GRIK4: variants seen among roughly 807,000 people sequenced by gnomAD.
GRIK4 encodes the protein glutamate receptor ionotropic, kainate 4.
GRIK4 carries 40 observed loss-of-function variants against 104.9 expected under a neutral mutation model. The observed-to-expected ratio is 0.38, with a 90% CI of 0.30 to 0.50. The LOEUF is 0.50. Ranked by LOEUF, GRIK4 falls within the 20% of genes least tolerant of loss-of-function variation. The probability of loss-of-function intolerance (pLI) is 0.93; values close to 1 mark genes in which losing one functional copy is unlikely to be tolerated. For missense variants in GRIK4, 1,047 were observed against 1,308.1 expected (o/e 0.80, Z 3.08); for synonymous variants, 485 against 524.9 (o/e 0.92, Z 1.04).
intron 3 of GRIK4, among the ~76,000 whole-genome samples, chr11:120,767,311 C>T (rs946193902): frequency 3.3e-5 from 5 of 152,126 alleles, no homozygotes; most frequent in Non-Finnish European, 5.9e-5. Flanking sequence ...ATCTTGAGCA[C>T]TTTTTCATAT....
rs1947835927 is a variant in GRIK4, at chr11:120,524,402, G to A, written c.-159+12515G>A. Among the ~76,000 whole-genome samples the A allele has an allele frequency of 6.6e-6, 1 of 152,216 alleles. No individual in the cohort carries two copies. The highest frequency in any genetic ancestry group is 2.4e-5 in the African/African-American group (1 of 41,460). ...GATGGGCCGCCTTCGACTCGCAGAT[G>A]TATGGGATTGAAAAGTCAATTGTGT... On this transcript the variant is annotated intron_variant, in intron 1 of 20. Transcript: ENST00000527524. This position sits in a 1 kb window ranked among gnomAD's most constrained non-coding sequence, Gnocchi z 4.5.
chr11:120,790,639 C>A (rs1591917659), intron 3 of GRIK4, among the ~76,000 whole-genome samples: 2 of 152,264 alleles, frequency 1.3e-5, no homozygotes, highest in East Asian at 1.9e-4. Context: ...TGGGGCCAGA[C>A]TGTGGAGGGC....
chr11:120,718,642 A>G (rs1333879783), intron 3 of GRIK4, among the ~76,000 whole-genome samples: 1 of 152,244 alleles, frequency 6.6e-6, no homozygotes, highest in Non-Finnish European at 1.5e-5. Flanking sequence ...CATTGTCTGT[A>G]CGCTGAAGCT....
intron 11 of GRIK4, among the ~76,000 whole-genome samples, chr11:120,897,248 A>G (rs1433787493): frequency 6.6e-6 from 1 of 152,186 alleles, no homozygotes; most frequent in Non-Finnish European, 1.5e-5. Context: ...CAGAATGAAG[A>G]ACTGAGTAAG....
intron 3 of GRIK4, among the ~76,000 whole-genome samples, chr11:120,664,736 G>A (rs1267059144): frequency 2.0e-5 from 3 of 152,184 alleles, no homozygotes; most frequent in African/African-American, 4.8e-5. Flanking sequence ...GGCTAATATA[G>A]TTTCCTGCTC....
rs73578648 is a variant in GRIK4 at position 120,939,635 on chromosome 11, C to T, written c.1477-712C>T. Among the ~76,000 whole-genome samples the T allele has an allele frequency of 1.5e-3, 222 of 152,328 alleles. No individual in the cohort carries two copies. Among genetic ancestry groups the T allele is most frequent in the African/African-American group, 5.1e-3 (211 of 41,562 alleles). ...AGCCCCTTCAGCAAAGTTTCTTACA[C>T]ACCATAAGCAGTCAGTGGAGTTTTG... On this transcript the variant is annotated intron_variant, in intron 13 of 20. Transcript: ENST00000527524. This position sits in a 1 kb window ranked among gnomAD's most constrained non-coding sequence, Gnocchi z 5.6.
chr11:120,705,587 G>C (rs966211416), intron 3 of GRIK4, among the ~76,000 whole-genome samples: 4 of 152,154 alleles, frequency 2.6e-5, no homozygotes, highest in Admixed American at 6.5e-5. Context: ...GGAATCTGTA[G>C]ATCGCTTTGG....
intron 11 of GRIK4, among the ~76,000 whole-genome samples, chr11:120,893,734 C>T (rs916308263): frequency 6.6e-6 from 1 of 152,224 alleles, no homozygotes; most frequent in African/African-American, 2.4e-5. Flanking sequence ...TTTAAATCAG[C>T]CATAGCGGGT....
At chr11:120,584,950 G>T (rs955867085) in intron 1 of GRIK4, among the ~76,000 whole-genome samples, 9 of 152,142 alleles carry the variant, frequency 5.9e-5, no homozygotes, top group Non-Finnish European at 1.5e-5. Context: ...GCTGGATTTG[G>T]TTTGCTAGTA....
At chr11:120,814,942 C>T (rs1214254342) in intron 4 of GRIK4, among the ~76,000 whole-genome samples, 1 of 152,226 alleles carries the variant, frequency 6.6e-6, no homozygotes, top group Admixed American at 6.5e-5. Flanking sequence ...CCCCCGCCTG[C>T]CTGCCTGCCT....
At chr11:120,840,609 G>C (rs1188486745) in intron 8 of GRIK4, among the ~76,000 whole-genome samples, 1 of 152,184 alleles carries the variant, frequency 6.6e-6, no homozygotes. Flanking sequence ...CTGGCAGGTA[G>C]ACTGAGGCAG....
chr11:120,773,206 GTC>G (rs1462161590), intron 3 of GRIK4, among the ~76,000 whole-genome samples: 1 of 152,190 alleles, frequency 6.6e-6, no homozygotes, highest in Middle Eastern at 3.2e-3. Flanking sequence ...CAGCCTTTGT[GTC>G]TAGTCAGCCT....
intron 1 of GRIK4, among the ~76,000 whole-genome samples, chr11:120,530,224 C>T (rs1947909430): frequency 6.6e-6 from 1 of 152,370 alleles, no homozygotes; most frequent in East Asian, 1.9e-4. Flanking sequence ...GTATTTATTA[C>T]TCATGCTCCA....
At chr11:120,850,157 CT>C (rs1323847553) in intron 8 of GRIK4, among the ~76,000 whole-genome samples, 14 of 152,196 alleles carry the variant, frequency 9.2e-5, no homozygotes, top group Admixed American at 9.2e-4. Context: ...TTGGCTTCCT[CT>C]TCTGCAAACA....
intron 1 of GRIK4, among the ~76,000 whole-genome samples, chr11:120,521,157 C>T (rs1373116856): frequency 6.6e-6 from 1 of 152,106 alleles, no homozygotes; most frequent in African/African-American, 2.4e-5. Context: ...ATGATTACAG[C>T]TCACTGTAGC....
At chr11:120,854,377 G>T (rs971725554) in intron 8 of GRIK4, among the ~76,000 whole-genome samples, 1 of 152,218 alleles carries the variant, frequency 6.6e-6, no homozygotes, top group Non-Finnish European at 1.5e-5. Context: ...GAGTGAAGAG[G>T]CTGCAAATAG....
chr11:120,942,592 G>T (rs570168468), intron 14 of GRIK4, among the ~76,000 whole-genome samples: 2 of 152,252 alleles, frequency 1.3e-5, no homozygotes, highest in East Asian at 3.9e-4. Context: ...CTGCTAGGCT[G>T]CCCTCCCCAC....
rs1332279946 is a variant in GRIK4, at chr11:120,819,878, T to C, written c.469T>C (p.Phe157Leu). 1.2e-6 allele frequency: 2 copies of C among 1,614,118 alleles called. No individual in the cohort carries two copies. The highest frequency in any genetic ancestry group is 2.2e-5 in the South Asian group (2 of 91,076). ...GGCTGTAGCTGGGATCCTGAACTTCTTCAACTGCACCACCGCCTGCCTCAT... is the reference window on the plus strand; with the variant it reads ...GGCTGTAGCTGGGATCCTGAACTTCCTCAACTGCACCACCGCCTGCCTCAT... The part of the protein sequence containing the change: ...SVAVAGILNF[F>L]NCTTACLICA... Residue 157 changes from phenylalanine to leucine, a missense_variant, in exon 6 of 21, where the codon TTC (phenylalanine) becomes CTC (leucine). Phe to Leu is a conservative substitution (Grantham distance 22, BLOSUM62 0). This residue lies in a region of GRIK4 where 447 missense variants were observed against 514.9 expected (regional missense o/e 0.87). Coordinates refer to ENST00000527524, the MANE Select transcript of GRIK4 (RefSeq NM_014619.5). This position sits in a 1 kb window ranked among gnomAD's most constrained non-coding sequence, Gnocchi z 4.3.
chr11:120,634,957 C>T (rs562139770), intron 1 of GRIK4, among the ~76,000 whole-genome samples: 22 of 152,304 alleles, frequency 1.4e-4, no homozygotes, highest in Admixed American at 2.6e-4. Context: ...AGTTGAGCTT[C>T]GCCTTGGCAG....
Sources: gnomAD v4.1 joint callset for allele counts (sites outside exome capture counted in the v4.1 genomes callset) on GRCh38, gnomAD v4.1.1 for gene constraint, gnomAD v4.1.1 regional missense constraint, Gnocchi (gnomAD v3.1) non-coding constraint, MANE v1.5 for transcripts, NCBI Gene and HGNC (gene_info 2026-07-23, HGNC 2026-07-21) for gene names.